CRTC1: variants seen among roughly 807,000 people sequenced by gnomAD.
CRTC1 encodes the protein CREB regulated transcription coactivator 1, also known as CREB-regulated transcription coactivator 1.
A neutral mutation model predicts 66.1 loss-of-function variants in CRTC1; 18 were observed. The observed-to-expected ratio is 0.27, with a 90% CI of 0.19 to 0.40. The LOEUF (loss-of-function observed/expected upper bound fraction) is 0.40, where lower values mean the gene tolerates loss of function less well. Ranked by LOEUF, CRTC1 falls within the 10% of genes least tolerant of loss-of-function variation. The pLI, the probability that CRTC1 is intolerant of heterozygous loss-of-function variation, is 1.00. For missense variants in CRTC1, 669 were observed against 887.9 expected (o/e 0.75, Z 3.13); for synonymous variants, 416 against 398.8 (o/e 1.04, Z -0.51).
chr19:18,706,292 C>G (rs2053265048), intron 1 of CRTC1, among the ~76,000 whole-genome samples: 1 of 142,070 alleles, frequency 7.0e-6, no homozygotes, highest in South Asian at 2.3e-4. Context: ...GCAACCTCCT[C>G]CTCCCGGGTT....
chr19:18,752,872 G>A lies in CRTC1; in HGVS notation c.539-628G>A, dbSNP rs534354203. ...AGGCTGGTCTCAAACTCCTAACCTC[G>A]GGCGATCTGCCCACCTCAGCCTCCC... is the stretch of plus-strand genomic sequence containing the variant. On this transcript the variant is annotated intron_variant, in intron 5 of 13. Coordinates refer to ENST00000321949, the MANE Select transcript of CRTC1 (RefSeq NM_015321.3). Among the ~76,000 whole-genome samples, 14 of 150,164 alleles carry A rather than the reference G, an allele frequency of 9.3e-5. No individual in the cohort carries two copies. The South Asian group carries it at 2.3e-3, about 25-fold the overall frequency.
rs2054594446 is a variant in CRTC1 at position 18,760,718 on chromosome 19, A to G, written c.886+490A>G. ...TCAGCCACATCCACAGGGACGTCGCACAGGCCCCTCGCCCGTCCCAATAGC... is the reference window on the plus strand; with the variant it reads ...TCAGCCACATCCACAGGGACGTCGCGCAGGCCCCTCGCCCGTCCCAATAGC... On this transcript the variant is annotated intron_variant, in intron 8 of 13. Coordinates refer to ENST00000321949, the MANE Select transcript of CRTC1 (RefSeq NM_015321.3). This position sits in a 1 kb window ranked among gnomAD's most constrained non-coding sequence, Gnocchi z 6.2. Among the ~76,000 whole-genome samples the G allele has an allele frequency of 4.0e-5, 6 of 151,714 alleles. No individual in the cohort carries two copies. Among genetic ancestry groups the G allele is most frequent in the Admixed American group, 3.9e-4 (6 of 15,240 alleles).
At chr19:18,743,209 G>A (rs779024029) in intron 2 of CRTC1, among the ~76,000 whole-genome samples, 183 bp downstream of exon 2, 21 of 152,208 alleles carry the variant, frequency 1.4e-4, no homozygotes, top group Non-Finnish European at 2.5e-4. Flanking sequence ...GGGTGCCCCC[G>A]CAGCCCATTC....
chr19:18,700,745 G>A (rs1184518941), intron 1 of CRTC1, among the ~76,000 whole-genome samples: 2 of 152,130 alleles, frequency 1.3e-5, no homozygotes, highest in Admixed American at 6.5e-5. Flanking sequence ...CCCTCTGGCT[G>A]GGGACACGGG....
chr19:18,720,776 G>A (rs1282108397), intron 1 of CRTC1, among the ~76,000 whole-genome samples: 1 of 152,076 alleles, frequency 6.6e-6, no homozygotes, highest in East Asian at 1.9e-4. Context: ...TACTGGGATT[G>A]CAGGTGTGAG....
At chr19:18,710,369 G>C (rs2053363539) in intron 1 of CRTC1, among the ~76,000 whole-genome samples, 1 of 152,164 alleles carries the variant, frequency 6.6e-6, no homozygotes, top group African/African-American at 2.4e-5. Context: ...CTACTGCCTG[G>C]GGGCAGTGTC....
intron 5 of CRTC1, among the ~76,000 whole-genome samples, chr19:18,751,886 G>A (rs150762926): frequency 1.1e-4 from 17 of 152,246 alleles, no homozygotes; most frequent in Admixed American, 3.3e-4. Flanking sequence ...AGGGCCAGGC[G>A]CGGTGGGTCA....
At chr19:18,769,723 A>T (rs927310368) in intron 10 of CRTC1, among the ~76,000 whole-genome samples, 1 of 152,148 alleles carries the variant, frequency 6.6e-6, no homozygotes, top group Admixed American at 6.5e-5. Flanking sequence ...TTGGAGTCAC[A>T]GGGTGTCTGG....
chr19:18,768,505 G>A lies in CRTC1; in HGVS notation c.1032G>A (p.Leu344=). The A allele has an allele frequency of 6.2e-7, 1 of 1,609,876 alleles. No individual in the cohort carries two copies. Residue 344 remains leucine, a synonymous_variant, in exon 10 of 14, where the codon CTG becomes CTA. Coordinates refer to ENST00000321949, the MANE Select transcript of CRTC1 (RefSeq NM_015321.3). The surrounding 1 kb of genome is among the most constrained non-coding windows in gnomAD (Gnocchi z 5.6). ...PITQAVAMDA[L]SLEQQLPYAF... ...TGCAGGCTGTAGCCATGGACGCCCT[G>A]TCTCTGGAGCAGCAGCTGCCCTACG...
chr19:18,745,748 G>A, intron 2 of CRTC1, 75 bp from the exon 3 acceptor site: 1 of 1,588,396 alleles, frequency 6.3e-7, no homozygotes, highest in East Asian at 2.2e-5. Flanking sequence ...CAGACTCTGG[G>A]GCCAGCGCTG....
intron 1 of CRTC1, among the ~76,000 whole-genome samples, chr19:18,710,263 T>C (rs2053361154): frequency 1.3e-5 from 2 of 152,130 alleles, no homozygotes; most frequent in East Asian, 3.9e-4. Context: ...CCCATGCCCA[T>C]CTGAGCCAGC....
At chr19:18,710,202 C>T (rs1409164803) in intron 1 of CRTC1, among the ~76,000 whole-genome samples, 1 of 152,196 alleles carries the variant, frequency 6.6e-6, no homozygotes, top group Non-Finnish European at 1.5e-5. Flanking sequence ...CAGCCCCACT[C>T]ACTCGGAAGT....
At chr19:18,720,401 GT>G in intron 1 of CRTC1, among the ~76,000 whole-genome samples, 1 of 152,036 alleles carries the variant, frequency 6.6e-6, no homozygotes, top group South Asian at 2.1e-4. Flanking sequence ...CCAGGCTGGA[GT>G]GCAGTGGCAT....
chr19:18,739,096 C>T, intron 1 of CRTC1, among the ~76,000 whole-genome samples: 1 of 152,234 alleles, frequency 6.6e-6, no homozygotes, highest in Admixed American at 6.5e-5. Context: ...TCTATCTGGC[C>T]CACAGGCCAT....
chr19:18,691,046 A>AAAT (rs774624120), intron 1 of CRTC1, among the ~76,000 whole-genome samples: 5 of 135,948 alleles, frequency 3.7e-5, no homozygotes, highest in African/African-American at 5.8e-5. Flanking sequence ...AAAAAAAAAA[A>AAAT]GAAGAGTGGG....
intron 3 of CRTC1, 127 bp downstream of exon 3, chr19:18,746,087 A>G (rs1180987267): frequency 1.6e-5 from 21 of 1,298,262 alleles, no homozygotes; most frequent in Non-Finnish European, 2.2e-5. Context: ...TCAGGGCAGC[A>G]CCATCTGGGA....
chr19:18,777,466 C>A lies in CRTC1; in HGVS notation c.*84C>A. 1 of 1,279,934 alleles carries A rather than the reference C, an allele frequency of 7.8e-7. No individual in the cohort carries two copies. Among genetic ancestry groups the A allele is most frequent in the Non-Finnish European group, 1.1e-6 (1 of 893,042 alleles). The allele number at this position is 1,279,934 out of a possible 1,614,324, so 79.3% of individuals were successfully genotyped here. A position where few individuals can be genotyped will look rare whatever the true frequency, so the allele number is the denominator to read the frequency against. On this transcript the variant is annotated 3_prime_UTR_variant, in exon 14 of 14. Transcript: ENST00000321949. The surrounding 1 kb of genome is among the most constrained non-coding windows in gnomAD (Gnocchi z 5.5). ...ACGGCCGTGCTCCGTCCCTCGCCAA[C>A]GGCCGAGCTTGTGATTCTGAGCTTG...
chr19:18,749,837 C>A lies in CRTC1; in HGVS notation c.500C>A (p.Ser167Tyr), dbSNP rs375485538. 8.7e-6 allele frequency: 14 copies of A among 1,614,066 alleles called. No individual in the cohort carries two copies. Among genetic ancestry groups the A allele is most frequent in the Middle Eastern group, 1.6e-4 (1 of 6,062 alleles). The change falls in exon 5 of 14, where the codon TCC becomes TAC. Residue 167 changes from serine (S) to tyrosine (Y), a missense_variant. Around this residue, in one of 8 missense-constraint regions of CRTC1, gnomAD observed 214 missense variants for 323.4 expected, o/e 0.66. Transcript: ENST00000321949. Reference protein sequence around the residue: ...QSTMTPTQPESFSSGSQDVHQ... With the variant: ...QSTMTPTQPEYFSSGSQDVHQ... Reference sequence around the variant, plus strand: ...ACAATGACGCCCACGCAGCCAGAATCCTTTAGCAGTGGGTCCCAGGACGTG... The same window carrying A: ...ACAATGACGCCCACGCAGCCAGAATACTTTAGCAGTGGGTCCCAGGACGTG...
chr19:18,736,339 C>CCCAGGAT (rs1371545818), intron 1 of CRTC1, among the ~76,000 whole-genome samples: 2 of 150,372 alleles, frequency 1.3e-5, no homozygotes, highest in Non-Finnish European at 2.9e-5. Context: ...CTGGTCAGCT[C>CCCAGGAT]CCAGGATCCA....
Sources: gnomAD v4.1 joint callset for allele counts (sites outside exome capture counted in the v4.1 genomes callset) on GRCh38, gnomAD v4.1.1 for gene constraint, gnomAD v4.1.1 regional missense constraint, Gnocchi (gnomAD v3.1) non-coding constraint, MANE v1.5 for transcripts, NCBI Gene and HGNC (gene_info 2026-07-23, HGNC 2026-07-21) for gene names.